TRPM5: variants seen among roughly 807,000 people sequenced by gnomAD.
TRPM5 encodes MLSN1 and TRP-related.
A neutral mutation model predicts 124.9 loss-of-function variants in TRPM5; 121 were observed. The ratio of observed to expected loss-of-function variants is 0.97; its 90% CI spans 0.84 to 1.13. TRPM5 has a LOEUF of 1.13. Ranked by LOEUF, TRPM5 falls within the 50% of genes most tolerant of loss-of-function variation. TRPM5 has a pLI of 0.00. For missense variants in TRPM5, 1,643 were observed against 1,589.1 expected (o/e 1.03, Z -0.58); for synonymous variants, 781 against 700.5 (o/e 1.11, Z -1.81).
In TRPM5 at chr11:2,414,596, G is replaced by A. The variant is rs912971036; in HGVS notation, c.1744+119C>T. 5 of 1,370,674 alleles carry A rather than the reference G, an allele frequency of 3.6e-6. No homozygotes were observed. In the Admixed American group the frequency reaches 8.7e-5, roughly 24 times the overall value. The allele number at this position is 1,370,674 out of a possible 1,614,324, so 84.9% of individuals were successfully genotyped here. On this transcript the variant is annotated intron_variant, in intron 11 of 23. Transcript: ENST00000155858. ...CTCTCCTATGGAGGAGGCCCCTGAG[G>A]GCACCTGGAGCCCCACGGCGGTAAC...
intron 6 of TRPM5, 28 bp downstream of exon 11, chr11:2,418,139 G>T: frequency 6.6e-7 from 1 of 1,518,350 alleles, no homozygotes; most frequent in South Asian, 1.2e-5. Flanking sequence ...GGAGGGGTCG[G>T]GAGGACAGGG....
chr11:2,425,852 C>T (rs111507155), upstream of TRPM5, among the ~76,000 whole-genome samples: 6 of 152,178 alleles, frequency 3.9e-5, no homozygotes, highest in East Asian at 1.9e-4. Context: ...CTGTTATCCT[C>T]GCCTTCCCCA....
At chr11:2,410,023 C>A (rs888957836) in intron 18 of TRPM5, among the ~76,000 whole-genome samples, 2 of 152,246 alleles carry the variant, frequency 1.3e-5, no homozygotes, top group Non-Finnish European at 2.9e-5. Flanking sequence ...GCTGGAGGCG[C>A]CCGTCTAGAG....
the TRPM5 span, among the ~76,000 whole-genome samples, chr11:2,432,481 C>G: frequency 6.6e-6 from 1 of 152,212 alleles, no homozygotes; most frequent in Admixed American, 6.5e-5. Flanking sequence ...CCTGCCAAGC[C>G]CTGCCATGCG....
At chr11:2,417,241 G>A (rs1411099280) in intron 7 of TRPM5, among the ~76,000 whole-genome samples, 1 of 152,208 alleles carries the variant, frequency 6.6e-6, no homozygotes, top group African/African-American at 2.4e-5. Context: ...CACGAGGTCA[G>A]GAGATCGAGA....
chr11:2,423,104 C>T, upstream of TRPM5: 1 of 1,318,592 alleles, frequency 7.6e-7, no homozygotes, highest in Non-Finnish European at 1.1e-6. Context: ...CCACCTCCCT[C>T]CCCTCAGGGG....
chr11:2,414,814 G>T (rs1369927069), exon 11 of TRPM5: 3 of 1,585,738 alleles, frequency 1.9e-6, no homozygotes, highest in East Asian at 2.3e-5. Flanking sequence ...CAGGCGGCCA[G>T]TGCGGCTGCC....
the TRPM5 span, among the ~76,000 whole-genome samples, chr11:2,434,493 CTG>C: frequency 0.012 from 1,779 of 143,018 alleles, 37 homozygotes; most frequent in African/African-American, 0.044. Context: ...TATAGCCGCA[CTG>C]TGTGTGTGTG....
At chr11:2,443,145 A>C in the TRPM5 span, among the ~76,000 whole-genome samples, 1 of 152,162 alleles carries the variant, frequency 6.6e-6, no homozygotes, top group African/African-American at 2.4e-5. This position sits in a 1 kb window ranked among gnomAD's most constrained non-coding sequence, Gnocchi z 5.0. Flanking sequence ...ATTCTTGTAG[A>C]ATTTGCATGG....
At chr11:2,416,781 C>T (rs1845690617) in intron 7 of TRPM5, among the ~76,000 whole-genome samples, 1 of 152,206 alleles carries the variant, frequency 6.6e-6, no homozygotes, top group South Asian at 2.1e-4. Flanking sequence ...TGCCAGCGTC[C>T]AGCCCTTCAG....
upstream of TRPM5, among the ~76,000 whole-genome samples, chr11:2,427,040 G>A (rs1358527862): frequency 1.3e-5 from 2 of 152,206 alleles, no homozygotes; most frequent in African/African-American, 2.4e-5. Flanking sequence ...TCCAGAGCCC[G>A]TGGGGCTGGC....
the TRPM5 span, among the ~76,000 whole-genome samples, chr11:2,428,986 G>GTGA: frequency 6.6e-6 from 1 of 151,508 alleles, no homozygotes; most frequent in Non-Finnish European, 1.5e-5. The surrounding 1 kb of genome is among the most constrained non-coding windows in gnomAD (Gnocchi z 4.0). Context: ...AGTGACAATG[G>GTGA]TGACAGTGGA....
rs1565010065 is a variant in TRPM5, at chr11:2,413,917, G to A, written c.1890+144C>T. On this transcript the variant is annotated intron_variant, in intron 12 of 23. Transcript: ENST00000155858. ...AGGAAGCCAGGTGGGCGCCTTCCAG[G>A]AACAGAAGCCCCACCCCGCCCCCTC... The A allele has an allele frequency of 4.1e-6, 5 of 1,210,898 alleles. No homozygotes were observed. In the South Asian group the frequency reaches 4.4e-5, roughly 11 times the overall value. 75.0% of individuals were successfully genotyped at this position (1,210,898 alleles called of 1,614,324 possible).
In TRPM5 at chr11:2,410,756, A is replaced by G. The variant is rs886119527; in HGVS notation, c.2782+596T>C. ...GGTCGGCCTGGGGACACCCATAGGCATGGGCAGGCCACACACACACATTGG... is the reference window on the plus strand; with the variant it reads ...GGTCGGCCTGGGGACACCCATAGGCGTGGGCAGGCCACACACACACATTGG... On this transcript the variant is annotated intron_variant, in intron 18 of 23. Transcript: ENST00000155858. 6.8e-6 allele frequency: 3 copies of G among 444,206 alleles called. No homozygotes were observed. The Admixed American group carries it at 7.4e-5, about 11-fold the overall frequency. 27.5% of individuals were successfully genotyped at this position (444,206 alleles called of 1,614,324 possible).
At chr11:2,423,088 C>G, upstream of TRPM5, 1 of 1,427,912 alleles carries the variant, frequency 7.0e-7, no homozygotes, top group Non-Finnish European at 9.7e-7. Flanking sequence ...CTGAGAAGGC[C>G]CATCCCCACC....
intron 11 of TRPM5, 73 bp downstream of exon 16, chr11:2,414,642 A>G (rs1345302114): frequency 5.5e-6 from 8 of 1,466,842 alleles, no homozygotes; most frequent in Admixed American, 4.7e-5. Flanking sequence ...GGCGAGGCCC[A>G]GGACCCTTCG....
At chr11:2,431,617 G>C in the TRPM5 span, among the ~76,000 whole-genome samples, 1 of 152,052 alleles carries the variant, frequency 6.6e-6, no homozygotes, top group Non-Finnish European at 1.5e-5. Context: ...CTATTACCCT[G>C]ACAATAAAAC....
chr11:2,427,378 G>C (rs1003050173), upstream of TRPM5, among the ~76,000 whole-genome samples: 1 of 152,234 alleles, frequency 6.6e-6, no homozygotes, highest in South Asian at 2.1e-4. Context: ...CGCGGGTGGA[G>C]CCGTCTGCCT....
At position 2,414,692 on chromosome 11, in the gene TRPM5, G is replaced by GGCCCCA. The variant is rs1431953462; in HGVS notation, c.1744+17_1744+22dup. The GGCCCCA allele has an allele frequency of 1.1e-5, 16 of 1,522,730 alleles. No individual in the cohort carries two copies. The African/African-American group carries it at 2.2e-4, about 21-fold the overall frequency. 94.3% of individuals were successfully genotyped at this position (1,522,730 alleles called of 1,614,324 possible). A position where few individuals can be genotyped will look rare whatever the true frequency, so the allele number is the denominator to read the frequency against. ...CACATCCTCCCCCGCGCGCGGGCCC[G>GGCCCCA]GCCCCAGCCGCCGGTCACTCACCAA... On this transcript the variant is annotated intron_variant, in intron 11 of 23. Coordinates refer to ENST00000155858, the Ensembl canonical transcript of TRPM5.
Sources: gnomAD v4.1 joint callset for allele counts (sites outside exome capture counted in the v4.1 genomes callset) on GRCh38, gnomAD v4.1.1 for gene constraint, Gnocchi (gnomAD v3.1) non-coding constraint, MANE v1.5 for transcripts, NCBI Gene and HGNC (gene_info 2026-07-23, HGNC 2026-07-21) for gene names.